Variants in VPS26A observed in about 807,000 individuals in gnomAD.
The protein encoded by VPS26A is vacuolar protein sorting-associated protein 26A.
In VPS26A, 22 loss-of-function variants were observed where a neutral mutation model predicts 42.4. That is an observed-to-expected ratio of 0.52 (90% CI 0.37 to 0.74). The LOEUF is 0.74. VPS26A is among the 30% of genes least tolerant of loss of function. The pLI is 0.00. For synonymous variants in VPS26A, 110 were observed against 123.5 expected (o/e 0.89, Z 0.73); for missense variants, 276 against 379.2 (o/e 0.73, Z 2.26).
chr10:69,124,256 G>T lies in VPS26A; in HGVS notation c.-22G>T. The T allele has an allele frequency of 7.8e-7, 1 of 1,285,196 alleles. No homozygotes were observed. The highest frequency in any genetic ancestry group is 3.6e-5 in the South Asian group (1 of 27,782). The allele number at this position is 1,285,196 out of a possible 1,614,324, so 79.6% of individuals were successfully genotyped here. A position where few individuals can be genotyped will look rare whatever the true frequency, so the allele number is the denominator to read the frequency against. On this transcript the variant is annotated 5_prime_UTR_variant, in exon 1 of 9. Transcript: ENST00000263559. Reference sequence around the variant, plus strand: ...TGAGGGAAGAGGAGTGGAGTAGGGGGGACGCGGCGGCGGCGTTGACAATGG... The same window carrying T: ...TGAGGGAAGAGGAGTGGAGTAGGGGTGACGCGGCGGCGGCGTTGACAATGG...
intron 1 of VPS26A, among the ~76,000 whole-genome samples, chr10:69,130,607 A>G (rs1206683607): frequency 5.9e-5 from 9 of 152,218 alleles, no homozygotes; most frequent in Admixed American, 5.9e-4. Context: ...AGCTTGATGA[A>G]TTTTCACCAA....
At chr10:69,161,936 A>C in intron 5 of VPS26A, 1 of 200,940 alleles carries the variant, frequency 5.0e-6, no homozygotes, top group Non-Finnish European at 1.0e-5. Flanking sequence ...TCTTGAATAC[A>C]CCCAGGCCGC....
chr10:69,133,894 C>T (rs1840848656), intron 2 of VPS26A, among the ~76,000 whole-genome samples: 1 of 151,930 alleles, frequency 6.6e-6, no homozygotes. Flanking sequence ...TCCATGTTGC[C>T]CAGGCTAGTC....
intron 4 of VPS26A, 96 bp downstream of exon 4, chr10:69,157,259 T>C: frequency 7.0e-7 from 1 of 1,425,236 alleles, no homozygotes; most frequent in Non-Finnish European, 9.4e-7. Flanking sequence ...TAATTCTGTA[T>C]TGGAAGATTT....
intron 4 of VPS26A, among the ~76,000 whole-genome samples, chr10:69,157,705 A>T (rs1430909477): frequency 6.6e-6 from 1 of 152,182 alleles, no homozygotes; most frequent in African/African-American, 2.4e-5. Context: ...TCTCTGTTTA[A>T]CTTGGCATTA....
intron 8 of VPS26A, 133 bp downstream of exon 8, chr10:69,168,764 T>A (rs1199027427): frequency 5.4e-6 from 6 of 1,113,008 alleles, no homozygotes; most frequent in Non-Finnish European, 6.2e-6. Flanking sequence ...GTATGATAGA[T>A]AAAGAAGTAG....
At position 69,158,179 on chromosome 10, in the gene VPS26A, T is replaced by C. The variant is rs1841473342; in HGVS notation, c.519T>C (p.Cys173=). 6.2e-7 allele frequency: 1 copy of C among 1,606,088 alleles called. No individual in the cohort carries two copies. The highest frequency in any genetic ancestry group is 8.5e-7 in the Non-Finnish European group (1 of 1,177,366). Residue 173 remains cysteine, a synonymous_variant, in exon 5 of 9, where the codon TGT becomes TGC. Coordinates refer to ENST00000263559, the MANE Select transcript of VPS26A (RefSeq NM_004896.5). ...AGATGGAAGTGGGCATTGAAGATTG[T>C]CTACATATAGAATTTGAATATAATA... ...SIKMEVGIED[C]LHIEFEYNKS... is the part of the protein sequence containing the mutation.
rs1193812907 is a variant in VPS26A, at chr10:69,173,453, C to G, written c.*2184C>G. On this transcript the variant is annotated 3_prime_UTR_variant, in exon 9 of 9. Transcript: ENST00000263559. ...CTGGCCAACAAAAATGAGACCCTAT[C>G]TCTACAAAAAAATTAACAATGAGCT... is the stretch of plus-strand genomic sequence containing the variant. Among the ~76,000 whole-genome samples the G allele has an allele frequency of 1.3e-5, 2 of 151,700 alleles. No individual in the cohort carries two copies.
intron 7 of VPS26A, among the ~76,000 whole-genome samples, chr10:69,167,606 G>A (rs535649303): frequency 1.3e-5 from 2 of 151,992 alleles, no homozygotes; most frequent in South Asian, 4.2e-4. Context: ...TGCAGGGCAT[G>A]GTGGCAGGTG....
rs767539058 is a variant in VPS26A at position 69,124,259 on chromosome 10, CGCG to C, written c.-9_-7del. 9 of 1,282,054 alleles carry C rather than the reference CGCG, an allele frequency of 7.0e-6. No individual in the cohort carries two copies. Among genetic ancestry groups the C allele is most frequent in the Admixed American group, 7.3e-5 (2 of 27,406 alleles). 79.4% of individuals were successfully genotyped at this position (1,282,054 alleles called of 1,614,324 possible). On this transcript the variant is annotated 5_prime_UTR_variant, in exon 1 of 9. Transcript: ENST00000263559. ...GGGAAGAGGAGTGGAGTAGGGGGGA[CGCG>C]GCGGCGGCGTTGACAATGGTGAGTG...
At chr10:69,152,705 C>T (rs1217232834) in intron 2 of VPS26A, among the ~76,000 whole-genome samples, 1 of 152,174 alleles carries the variant, frequency 6.6e-6, no homozygotes, top group Non-Finnish European at 1.5e-5. Context: ...CACAGTGGCT[C>T]ATGCCTGTAA....
At chr10:69,164,955 G>A (rs1386928587) in intron 6 of VPS26A, among the ~76,000 whole-genome samples, 15 of 148,220 alleles carry the variant, frequency 1.0e-4, no homozygotes, top group East Asian at 2.0e-4. Context: ...TGGAGACGGC[G>A]TCTCCCTCTG....
chr10:69,147,614 C>G (rs1841190752), intron 2 of VPS26A, among the ~76,000 whole-genome samples: 1 of 152,178 alleles, frequency 6.6e-6, no homozygotes, highest in Non-Finnish European at 1.5e-5. Flanking sequence ...CAACTTTATT[C>G]TTTTGCATGT....
At chr10:69,156,338 C>CAA (rs1349046818) in intron 3 of VPS26A, among the ~76,000 whole-genome samples, 1 of 151,872 alleles carries the variant, frequency 6.6e-6, no homozygotes, top group African/African-American at 2.4e-5. Flanking sequence ...TGACTTAGAT[C>CAA]AACTTATGTA....
At chr10:69,171,104 T>C (rs529727559) in intron 8 of VPS26A, 52 bp from the exon 9 acceptor site, 2 of 1,393,398 alleles carry the variant, frequency 1.4e-6, no homozygotes, top group African/African-American at 2.9e-5. Flanking sequence ...TCAATAGAGA[T>C]AAGGCATCAT....
intron 2 of VPS26A, among the ~76,000 whole-genome samples, chr10:69,150,124 G>A (rs1034135657): frequency 5.3e-5 from 8 of 151,924 alleles, no homozygotes; most frequent in African/African-American, 1.9e-4. Flanking sequence ...GAGTGCAGTG[G>A]CTCTCTGCAA....
intron 5 of VPS26A, 144 bp downstream of exon 5, chr10:69,158,355 T>C: frequency 1.4e-6 from 1 of 731,340 alleles, no homozygotes; most frequent in Non-Finnish European, 2.0e-6. Flanking sequence ...AAAGAAATTT[T>C]AGGAGTTTGG....
chr10:69,132,419 A>T, intron 1 of VPS26A, among the ~76,000 whole-genome samples: 3 of 144,422 alleles, frequency 2.1e-5, no homozygotes, highest in Admixed American at 7.2e-5. Context: ...TAAGTTGTTC[A>T]GTTTTGATGT....
Position 69,165,232 on chromosome 10 carries a change from C to T in VPS26A, c.659-810C>T, listed in dbSNP as rs1841660776. 1.3e-5 allele frequency among the ~76,000 whole-genome samples: 2 copies of T among 152,044 alleles called. 1 individual carries two copies. Among genetic ancestry groups the T allele is most frequent in the South Asian group, 4.2e-4 (2 of 4,812 alleles). Reference sequence around the variant, plus strand: ...CGTGAGCCACTGTGCCTGGCCTCATCGTCGGGTTTTTTGCTGAAAGTAATT... The same window carrying T: ...CGTGAGCCACTGTGCCTGGCCTCATTGTCGGGTTTTTTGCTGAAAGTAATT... On this transcript the variant is annotated intron_variant, in intron 6 of 8. Coordinates refer to ENST00000263559, the MANE Select transcript of VPS26A (RefSeq NM_004896.5).
Sources: gnomAD v4.1 joint callset for allele counts (sites outside exome capture counted in the v4.1 genomes callset) on GRCh38, gnomAD v4.1.1 for gene constraint, MANE v1.5 for transcripts, NCBI Gene and HGNC (gene_info 2026-07-23, HGNC 2026-07-21) for gene names.